COL13A1: variants seen among roughly 807,000 people sequenced by gnomAD.
The protein encoded by COL13A1 is collagen type XIII alpha 1 chain, also known as collagen alpha-1(XIII) chain.
A neutral mutation model predicts 130.9 loss-of-function variants in COL13A1; 89 were observed. The ratio of observed to expected loss-of-function variants is 0.68; its 90% confidence interval spans 0.57 to 0.81. The LOEUF (loss-of-function observed/expected upper bound fraction) is 0.81. COL13A1 is among the 30% of genes least tolerant of loss of function. The probability of loss-of-function intolerance (pLI) is 0.00; values close to 1 mark genes in which losing one functional copy is unlikely to be tolerated. For synonymous variants in COL13A1, 402 were observed against 341.6 expected, an observed-to-expected ratio of 1.18 and a Z score of -1.95; for missense variants, 879 against 934.6, an observed-to-expected ratio of 0.94 and a Z score of 0.78.
At position 69,880,512 on chromosome 10, in the gene COL13A1, G is replaced by A. The variant is rs758070758; in HGVS notation, c.472G>A (p.Gly158Arg). 1.6e-5 allele frequency: 25 copies of A among 1,612,448 alleles called. No individual in the cohort carries two copies. The highest frequency in any genetic ancestry group is 1.7e-4 in the Middle Eastern group (1 of 6,050). ...TCCTCTCTCCCCGCAGGGGTCCCCC[G>A]GAGACGCTGGGCTGTCCATCATTGG... ...KGQPGEKGSP[G>R]DAGLSIIGPR... Residue 158 changes from glycine (G) to arginine (R), a missense_variant, in exon 7 of 41, where the codon GGA (glycine) becomes AGA (arginine). This residue lies in a region of COL13A1 where 715 missense variants were observed against 721.0 expected (regional missense o/e 0.99). Transcript: ENST00000645393.
Position 69,930,568 on chromosome 10 carries a change from G to A in COL13A1, c.1683+16G>A, listed in dbSNP as rs2065984945. The A allele has an allele frequency of 2.5e-6, 4 of 1,610,594 alleles. No individual in the cohort carries two copies. Among genetic ancestry groups the A allele is most frequent in the Non-Finnish European group, 3.4e-6 (4 of 1,178,636 alleles). On this transcript the variant is annotated intron_variant, in intron 30 of 40. Transcript: ENST00000645393. ...AGGCTCACCGGTGAGTGGCAGGGCT[G>A]GCTGCCCTTCCGTGCATACACCACT...
chr10:69,929,537 A>T (rs953231699), intron 28 of COL13A1, among the ~76,000 whole-genome samples: 4 of 152,092 alleles, frequency 2.6e-5, no homozygotes, highest in African/African-American at 9.7e-5. Flanking sequence ...ATCAGGCAGA[A>T]TTCCCTGCCC....
intron 34 of COL13A1, among the ~76,000 whole-genome samples, chr10:69,938,452 T>C (rs925454216): frequency 1.3e-5 from 2 of 152,060 alleles, no homozygotes; most frequent in Non-Finnish European, 2.9e-5. Flanking sequence ...CTGGAAGGGA[T>C]GTTAGCGATC....
chr10:69,947,951 CAG>C (rs899371481), intron 38 of COL13A1, among the ~76,000 whole-genome samples: 20 of 152,302 alleles, frequency 1.3e-4, no homozygotes, highest in Middle Eastern at 6.8e-3. Context: ...AGCCACATAA[CAG>C]GGGGTGGCAC....
rs746035726 is a variant in COL13A1, at chr10:69,926,683, G to A, written c.1399-404G>A. Among the ~76,000 whole-genome samples, 75 of 152,182 alleles carry A rather than the reference G, an allele frequency of 4.9e-4. 1 individual carries two copies. Among genetic ancestry groups the A allele is most frequent in the Non-Finnish European group, 1.0e-3 (68 of 68,038 alleles). ...ATTGTGTCTGTTTAAAGGGAGGTGC[G>A]TGGCAACTTTGAAATCTGGGTTCTG... is the stretch of plus-strand genomic sequence containing the variant. On this transcript the variant is annotated intron_variant, in intron 26 of 40. Transcript: ENST00000645393.
chr10:69,850,648 G>C (rs922849473), intron 2 of COL13A1, among the ~76,000 whole-genome samples: 1 of 151,802 alleles, frequency 6.6e-6, no homozygotes, highest in African/African-American at 2.4e-5. Context: ...ATGCTGAGGG[G>C]GGCTGAGGCA....
intron 10 of COL13A1, 94 bp from the exon 11 acceptor site, chr10:69,894,458 C>T: frequency 2.0e-6 from 3 of 1,478,060 alleles, no homozygotes; most frequent in Non-Finnish European, 2.8e-6. Flanking sequence ...AGAGCCCAGC[C>T]TTCGGGATTC....
intron 13 of COL13A1, 29 bp downstream of exon 13, chr10:69,895,605 C>T: frequency 1.2e-6 from 2 of 1,612,894 alleles, no homozygotes; most frequent in Admixed American, 1.7e-5. Context: ...TTTAGCAGGG[C>T]ACTTTGATCC....
intron 17 of COL13A1, among the ~76,000 whole-genome samples, chr10:69,906,714 GT>G (rs1288131784): frequency 6.6e-6 from 1 of 151,906 alleles, no homozygotes; most frequent in Non-Finnish European, 1.5e-5. Flanking sequence ...CTTTTTGTTT[GT>G]TTGTTTGTTT....
intron 2 of COL13A1, among the ~76,000 whole-genome samples, chr10:69,863,031 C>T (rs1858632607): frequency 6.6e-6 from 1 of 152,172 alleles, no homozygotes; most frequent in Non-Finnish European, 1.5e-5. Flanking sequence ...AGGCCTGGGC[C>T]ACGGGTAAGG....
chr10:69,932,431 C>T, intron 30 of COL13A1, 129 bp from the exon 31 acceptor site: 1 of 654,472 alleles, frequency 1.5e-6, no homozygotes, highest in South Asian at 1.7e-5. Flanking sequence ...CCTCCACATC[C>T]TCCATGGTGT....
chr10:69,881,225 C>T (rs914930159), intron 7 of COL13A1, among the ~76,000 whole-genome samples: 13 of 152,280 alleles, frequency 8.5e-5, no homozygotes, highest in South Asian at 8.3e-4. Flanking sequence ...AATCACCACA[C>T]GTCAGGGTGG....
intron 13 of COL13A1, chr10:69,897,332 G>A: frequency 1.3e-6 from 1 of 770,034 alleles, no homozygotes; most frequent in Non-Finnish European, 2.0e-6. Flanking sequence ...AGAAATCCAG[G>A]TGGCCCCTCC....
At chr10:69,910,361 G>A (rs1386866000) in intron 17 of COL13A1, among the ~76,000 whole-genome samples, 2 of 152,056 alleles carry the variant, frequency 1.3e-5, no homozygotes, top group Non-Finnish European at 2.9e-5. Context: ...CAGGATGTGA[G>A]CGGGACCTGT....
rs868184232 is a variant in COL13A1, at chr10:69,860,638, C to G, written c.365-7160C>G. ...CATCTTCTGTCGGGTTGTCGTTCCT[C>G]TTGCCAGGGGCTGGGCATCACCCTC... On this transcript the variant is annotated intron_variant, in intron 2 of 40. Coordinates refer to ENST00000645393, the MANE Select transcript of COL13A1 (RefSeq NM_001368882.1). The G allele has an allele frequency of 8.6e-5, 15 of 173,812 alleles. No homozygotes were observed. The Middle Eastern group carries it at 0.013, about 156-fold the overall frequency. The allele number at this position is 173,812 out of a possible 1,614,324, so 10.8% of individuals were successfully genotyped here.
intron 31 of COL13A1, among the ~76,000 whole-genome samples, chr10:69,934,885 T>C (rs2066623619): frequency 6.6e-6 from 1 of 152,174 alleles, no homozygotes; most frequent in Admixed American, 6.5e-5. Context: ...CAAACTCAAA[T>C]GTCTACAAGG....
intron 2 of COL13A1, chr10:69,829,156 C>T: frequency 1.2e-6 from 1 of 853,066 alleles, no homozygotes; most frequent in Non-Finnish European, 1.4e-6. Context: ...CCATTTCCCT[C>T]ACACCCCGTC....
intron 2 of COL13A1, among the ~76,000 whole-genome samples, chr10:69,856,913 G>C (rs1433470900): frequency 6.6e-6 from 1 of 152,208 alleles, no homozygotes; most frequent in Non-Finnish European, 1.5e-5. Flanking sequence ...AGGGGTCAGA[G>C]CCAGCAAAGT....
intron 1 of COL13A1, among the ~76,000 whole-genome samples, chr10:69,822,042 G>A (rs556286948): frequency 6.6e-6 from 1 of 152,310 alleles, no homozygotes; most frequent in Non-Finnish European, 1.5e-5. Context: ...AATTAGCAGA[G>A]AGCTGAGAAA....
Sources: gnomAD v4.1 joint callset for allele counts (sites outside exome capture counted in the v4.1 genomes callset) on GRCh38, gnomAD v4.1.1 for gene constraint, gnomAD v4.1.1 regional missense constraint, MANE v1.5 for transcripts, NCBI Gene and HGNC (gene_info 2026-07-23, HGNC 2026-07-21) for gene names.